The following WWOX variants were observed in gnomAD, a reference collection of about 807,000 sequenced individuals.
WWOX encodes WW domain-containing oxidoreductase.
A neutral mutation model predicts 46.2 loss-of-function variants in WWOX; 69 were observed. That is an observed-to-expected ratio of 1.49 (90% CI 1.23 to 1.82). The LOEUF is 1.82. WWOX is among the 40% of genes most tolerant of loss of function. The pLI is 0.00. For missense variants in WWOX, 919 were observed against 542.6 expected (o/e 1.69, Z -6.89); for synonymous variants, 359 against 202.6 (o/e 1.77, Z -6.56).
chr16:78,972,919 C>T (rs369084374), intron 8 of WWOX, among the ~76,000 whole-genome samples: 2 of 152,144 alleles, frequency 1.3e-5, no homozygotes, highest in Non-Finnish European at 2.9e-5. Flanking sequence ...TGGAGCCTCC[C>T]GACCGAAGGG....
chr16:78,141,364 T>G (rs1405286873), intron 4 of WWOX, among the ~76,000 whole-genome samples: 1 of 152,072 alleles, frequency 6.6e-6, no homozygotes, highest in Non-Finnish European at 1.5e-5. Context: ...CAAATAGTGT[T>G]TTCACAGGTC....
chr16:79,012,056 T>C (rs182717942), intron 8 of WWOX, among the ~76,000 whole-genome samples: 4 of 152,242 alleles, frequency 2.6e-5, no homozygotes, highest in Non-Finnish European at 5.9e-5. Flanking sequence ...GAGAATAAAG[T>C]GTCAAAGCCA....
chr16:78,971,077 G>A (rs532868519), intron 8 of WWOX, among the ~76,000 whole-genome samples: 14 of 152,096 alleles, frequency 9.2e-5, no homozygotes, highest in African/African-American at 3.1e-4. Flanking sequence ...GTATACATAT[G>A]TATATGTATA....
intron 5 of WWOX, among the ~76,000 whole-genome samples, chr16:78,168,880 A>C (rs568979989): frequency 1.3e-5 from 2 of 152,224 alleles, no homozygotes; most frequent in Non-Finnish European, 2.9e-5. Flanking sequence ...TAATTATTTC[A>C]TGGGAAAATG....
intron 8 of WWOX, among the ~76,000 whole-genome samples, chr16:78,572,257 G>C (rs772145739): frequency 6.6e-6 from 1 of 152,108 alleles, no homozygotes; most frequent in Admixed American, 6.5e-5. Context: ...ATACCAGAAC[G>C]TGCATCAACA....
At chr16:78,667,095 T>C (rs539283533) in intron 8 of WWOX, among the ~76,000 whole-genome samples, 2 of 152,344 alleles carry the variant, frequency 1.3e-5, no homozygotes, top group African/African-American at 4.8e-5. Flanking sequence ...GTACTTGCTT[T>C]TTAAATTCAG....
chr16:78,657,681 C>G (rs1257919274), intron 8 of WWOX, among the ~76,000 whole-genome samples: 2 of 152,154 alleles, frequency 1.3e-5, no homozygotes, highest in African/African-American at 4.8e-5. Context: ...GGAAGTGATT[C>G]TCAGTGGACA....
At chr16:79,131,642 A>G (rs923986738) in intron 8 of WWOX, among the ~76,000 whole-genome samples, 13 of 152,190 alleles carry the variant, frequency 8.5e-5, no homozygotes, top group African/African-American at 2.9e-4. Context: ...TTGAGGCTTT[A>G]TCTCTGCCAT....
chr16:78,448,502 G>A (rs1317867757), intron 8 of WWOX, among the ~76,000 whole-genome samples: 2 of 152,044 alleles, frequency 1.3e-5, no homozygotes, highest in Admixed American at 6.6e-5. Context: ...CAAAGCTGGT[G>A]CCCCAAAAGA....
At chr16:79,102,295 A>C (rs1410734581) in intron 8 of WWOX, among the ~76,000 whole-genome samples, 5 of 152,272 alleles carry the variant, frequency 3.3e-5, no homozygotes, top group Admixed American at 6.5e-5. Context: ...TATGGACAAG[A>C]GGTGTTTGAC....
intron 8 of WWOX, among the ~76,000 whole-genome samples, chr16:78,620,415 A>G (rs2046149209): frequency 6.6e-6 from 1 of 152,124 alleles, no homozygotes; most frequent in African/African-American, 2.4e-5. Flanking sequence ...TATCAACTGG[A>G]AAAAACCATG....
At chr16:79,028,322 G>C (rs1020121756) in intron 8 of WWOX, among the ~76,000 whole-genome samples, 1 of 151,750 alleles carries the variant, frequency 6.6e-6, no homozygotes, top group African/African-American at 2.4e-5. Context: ...GATGTAGTTG[G>C]GTGACACTAT....
Position 78,783,846 on chromosome 16 carries a change from ATGG to A in WWOX, c.1056+351097_1056+351099del, listed in dbSNP as rs2050389390. On this transcript the variant is annotated intron_variant, in intron 8 of 8. Coordinates refer to ENST00000566780, the MANE Select transcript of WWOX (RefSeq NM_016373.4). ...TAAGATGCTGATGGTGGTGATGATG[ATGG>A]TGATATGACGCTGATGATGGTGATG... is the stretch of plus-strand genomic sequence containing the variant. Among the ~76,000 whole-genome samples the A allele has an allele frequency of 4.6e-5, 7 of 151,200 alleles. 1 individual carries two copies. Among genetic ancestry groups the A allele is most frequent in the African/African-American group, 1.7e-4 (7 of 41,090 alleles).
intron 8 of WWOX, among the ~76,000 whole-genome samples, chr16:78,564,574 C>T (rs934326672): frequency 6.6e-6 from 1 of 152,146 alleles, no homozygotes; most frequent in Non-Finnish European, 1.5e-5. Context: ...TCAGAGGTCT[C>T]ATATCAAGAA....
At chr16:79,043,923 C>T (rs1203105583) in intron 8 of WWOX, among the ~76,000 whole-genome samples, 3 of 152,238 alleles carry the variant, frequency 2.0e-5, no homozygotes, top group African/African-American at 4.8e-5. Context: ...CGCTCATTCA[C>T]TCTGCTCGGA....
At chr16:78,723,917 A>G (rs1267383166) in intron 8 of WWOX, among the ~76,000 whole-genome samples, 1 of 152,144 alleles carries the variant, frequency 6.6e-6, no homozygotes, top group Non-Finnish European at 1.5e-5. Context: ...AGTTTGGATT[A>G]TTTGAGGACC....
intron 8 of WWOX, among the ~76,000 whole-genome samples, chr16:78,500,782 C>T (rs1213564112): frequency 6.6e-6 from 1 of 152,116 alleles, no homozygotes; most frequent in Non-Finnish European, 1.5e-5. Flanking sequence ...ATTATTCAGG[C>T]AGTGTTTACC....
At chr16:78,696,975 T>TGG (rs145471396) in intron 8 of WWOX, among the ~76,000 whole-genome samples, 3,968 of 152,324 alleles carry the variant, frequency 0.026, 68 homozygotes, top group Middle Eastern at 0.085. Flanking sequence ...CCATCCAGGT[T>TGG]GCTGAAAATG....
chr16:78,657,542 T>C (rs1297255925), intron 8 of WWOX, among the ~76,000 whole-genome samples: 1 of 152,094 alleles, frequency 6.6e-6, no homozygotes, highest in East Asian at 1.9e-4. Context: ...GTCTAACCCC[T>C]CCTCTAGTTA....
Sources: gnomAD v4.1 joint callset for allele counts (sites outside exome capture counted in the v4.1 genomes callset) on GRCh38, gnomAD v4.1.1 for gene constraint, MANE v1.5 for transcripts, NCBI Gene and HGNC (gene_info 2026-07-23, HGNC 2026-07-21) for gene names.